The following WDR33 variants were observed in gnomAD, a reference collection of about 807,000 sequenced individuals.
WDR33 encodes WD repeat domain 33.
Under a neutral mutation model 164.9 loss-of-function variants are expected in WDR33, and 47 were observed. The observed-to-expected ratio is 0.29, with a 90% CI of 0.23 to 0.36. The LOEUF (loss-of-function observed/expected upper bound fraction) is 0.36. WDR33 is among the 10% of genes least tolerant of loss of function. WDR33 has a pLI of 1.00. For synonymous variants in WDR33, 505 were observed against 589.0 expected, an observed-to-expected ratio of 0.86 and a Z score of 2.06; for missense variants, 1,137 against 1,754.1, an observed-to-expected ratio of 0.65 and a Z score of 6.28.
chr2:127,775,394 G>A (rs935428090), intron 1 of WDR33, among the ~76,000 whole-genome samples: 1 of 152,102 alleles, frequency 6.6e-6, no homozygotes, highest in African/African-American at 2.4e-5. Context: ...TTGCCATGTT[G>A]GTCAGGCTAG....
intron 8 of WDR33, among the ~76,000 whole-genome samples, chr2:127,725,796 CCACTG>C (rs1192428220): frequency 6.6e-6 from 1 of 151,068 alleles, no homozygotes; most frequent in Admixed American, 6.6e-5. Flanking sequence ...AGCAGAGCTT[CCACTG>C]AACAGTAAAA....
rs776337489 is a variant in WDR33 at position 127,765,201 on chromosome 2, G to C, written c.447C>G (p.Leu149=). Residue 149 remains leucine (L), a synonymous_variant, in exon 5 of 22, where the codon CTC becomes CTG. Coordinates refer to ENST00000322313, the MANE Select transcript of WDR33 (RefSeq NM_018383.5). The part of the protein sequence containing the change: ...SSGEFTLWNG[L]TFNFETILQA... ...GTAATATTGTTTCAAAATTGAAAGT[G>C]AGTCCATTCCACAGGGTAAACTCCC... 1.2e-6 allele frequency: 2 copies of C among 1,614,094 alleles called. No individual in the cohort carries two copies. The highest frequency in any genetic ancestry group is 8.5e-7 in the Non-Finnish European group (1 of 1,179,998).
Position 127,706,327 on chromosome 2 carries a change from C to A in WDR33, c.4007G>T (p.Arg1336Leu). 6.4e-7 allele frequency: 1 copy of A among 1,560,716 alleles called. No homozygotes were observed. Among genetic ancestry groups the A allele is most frequent in the Non-Finnish European group, 8.7e-7 (1 of 1,154,668 alleles). ...CAGGGTACTCAGTTCCAGCTTCTAC[C>A]GACCCCTTCCACCACCCCGTGAAGC... Reference protein sequence around the residue: ...RGASRGGGRGR With the variant: ...RGASRGGGRGL Residue 1336 changes from arginine to leucine, a missense_variant, in exon 22 of 22, where the codon CGG (arginine) becomes CTG (leucine). Physicochemically the swap from Arg to Leu is moderately radical, Grantham distance 102. This residue lies in a region of WDR33 where 867 missense variants were observed against 1,073.0 expected (regional missense o/e 0.81). Transcript: ENST00000322313. This position sits in a 1 kb window ranked among gnomAD's most constrained non-coding sequence, Gnocchi z 5.1.
At position 127,723,035 on chromosome 2, in the gene WDR33, T is replaced by C; in HGVS notation, c.1301A>G (p.Glu434Gly). ...TGGAATTACTGCCAGGCTATTAGGT[T>C]CGAGGTCATCTATAAATAGTAATAC... ...SEDGVEYDDL[E>G]PNSLAVIPGM... The change falls in exon 13 of 22, where the codon GAA (glutamate) becomes GGA (glycine). Residue 434 changes from glutamate to glycine, a missense_variant. Physicochemically the swap from Glu to Gly is moderately conservative, Grantham distance 98. Coordinates refer to ENST00000322313, the MANE Select transcript of WDR33 (RefSeq NM_018383.5). This position sits in a 1 kb window ranked among gnomAD's most constrained non-coding sequence, Gnocchi z 5.9. The C allele has an allele frequency of 6.2e-7, 1 of 1,609,774 alleles. No homozygotes were observed. The highest frequency in any genetic ancestry group is 8.5e-7 in the Non-Finnish European group (1 of 1,178,766).
intron 18 of WDR33, among the ~76,000 whole-genome samples, chr2:127,711,776 A>ATTTTTTTT (rs1284723078): frequency 1.3e-3 from 121 of 94,044 alleles, no homozygotes; most frequent in Non-Finnish European, 2.0e-3. Context: ...ATATATATAT[A>ATTTTTTTT]TATATTTTTT....
chr2:127,722,933 A>C lies in WDR33; in HGVS notation c.1378+25T>G, dbSNP rs1686476225. ...GTCAAGAAAAAATTTGTAAAAATTA[A>C]ATGTGTCTGTGTAACTTCTCTTACC... On this transcript the variant is annotated intron_variant, in intron 13 of 21. Transcript: ENST00000322313. This position sits in a 1 kb window ranked among gnomAD's most constrained non-coding sequence, Gnocchi z 5.1. 1.9e-6 allele frequency: 3 copies of C among 1,578,172 alleles called. No homozygotes were observed. The African/African-American group carries it at 4.1e-5, about 22-fold the overall frequency.
Position 127,764,534 on chromosome 2 carries a change from A to C in WDR33, c.626+294T>G, listed in dbSNP as rs1573929041. Reference sequence around the variant, plus strand: ...TTGTCTTACACAGTAGATAATAAAAAGGAATAACGTATACACATTATTAAT... The same window carrying C: ...TTGTCTTACACAGTAGATAATAAAACGGAATAACGTATACACATTATTAAT... On this transcript the variant is annotated intron_variant, in intron 6 of 21. Transcript: ENST00000322313. This position sits in a 1 kb window ranked among gnomAD's most constrained non-coding sequence, Gnocchi z 6.2. 3.9e-6 allele frequency: 6 copies of C among 1,526,476 alleles called. No individual in the cohort carries two copies. The East Asian group carries it at 1.2e-4, about 31-fold the overall frequency. The allele number at this position is 1,526,476 out of a possible 1,614,324, so 94.6% of individuals were successfully genotyped here.
chr2:127,775,829 T>C (rs1558949865), intron 1 of WDR33, among the ~76,000 whole-genome samples: 1 of 151,918 alleles, frequency 6.6e-6, no homozygotes, highest in Non-Finnish European at 1.5e-5. Context: ...CAAGTACCAA[T>C]GGTGTTTCAG....
In WDR33 at chr2:127,721,703, T is replaced by C. The variant is rs1686442140; in HGVS notation, c.1671+133A>G. 1.1e-6 allele frequency: 1 copy of C among 926,740 alleles called. No homozygotes were observed. Among genetic ancestry groups the C allele is most frequent in the Non-Finnish European group, 1.6e-6 (1 of 640,994 alleles). The allele number at this position is 926,740 out of a possible 1,614,324, so 57.4% of individuals were successfully genotyped here. On this transcript the variant is annotated intron_variant, in intron 15 of 21. Transcript: ENST00000322313. The surrounding 1 kb of genome is among the most constrained non-coding windows in gnomAD (Gnocchi z 4.9). ...TCTTTTGGAAACTAGTCTTCTAGCATAGCAACAGGAAATGGCGGTGTTTGT... is the reference window on the plus strand; with the variant it reads ...TCTTTTGGAAACTAGTCTTCTAGCACAGCAACAGGAAATGGCGGTGTTTGT...
chr2:127,795,691 GGT>G (rs934942673), intron 1 of WDR33, among the ~76,000 whole-genome samples: 10 of 151,346 alleles, frequency 6.6e-5, no homozygotes, highest in Admixed American at 2.0e-4. Context: ...AAGTTAGCCA[GGT>G]GTGGTGGCAT....
At chr2:127,767,854 T>C (rs1331302517) in intron 4 of WDR33, among the ~76,000 whole-genome samples, 1 of 152,244 alleles carries the variant, frequency 6.6e-6, no homozygotes, top group Non-Finnish European at 1.5e-5. Flanking sequence ...CCTAAGTATT[T>C]TTCATTTACC....
At chr2:127,740,031 TTA>T (rs1573903706) in intron 7 of WDR33, among the ~76,000 whole-genome samples, 1 of 152,158 alleles carries the variant, frequency 6.6e-6, no homozygotes, top group Non-Finnish European at 1.5e-5. Context: ...ACTATGTTGA[TTA>T]TGTTTTTTTT....
chr2:127,794,291 G>A (rs962354797), intron 1 of WDR33, among the ~76,000 whole-genome samples: 1 of 151,138 alleles, frequency 6.6e-6, no homozygotes, highest in Non-Finnish European at 1.5e-5. Context: ...CCTGAGGTCA[G>A]GAGTTCTAGA....
In WDR33 at chr2:127,713,037, G is replaced by A. The variant is rs1410499724; in HGVS notation, c.3308+546C>T. Among the ~76,000 whole-genome samples the A allele has an allele frequency of 3.9e-5, 6 of 152,208 alleles. No individual in the cohort carries two copies. Among genetic ancestry groups the A allele is most frequent in the East Asian group, 1.9e-4 (1 of 5,200 alleles). On this transcript the variant is annotated intron_variant, in intron 18 of 21. Coordinates refer to ENST00000322313, the MANE Select transcript of WDR33 (RefSeq NM_018383.5). The surrounding 1 kb of genome is among the most constrained non-coding windows in gnomAD (Gnocchi z 6.2). The stretch of plus-strand genomic sequence containing the variant: ...CACCCAAAGTGCTGGGATTACAGGC[G>A]TGAGCCACTGGTCCTGGGCTAATTC...
chr2:127,719,510 G>T lies in WDR33; in HGVS notation c.2515C>A (p.Pro839Thr), dbSNP rs61730415. 1 of 1,612,618 alleles carries T rather than the reference G, an allele frequency of 6.2e-7. No homozygotes were observed. The highest frequency in any genetic ancestry group is 2.2e-5 in the East Asian group (1 of 44,856). ...CCCAGCATTGATCCTTGGGGTGGAG[G>T]CCCCTGCATGCCTCGGATCTCCTGA... Reference protein sequence around the residue: ...GPQEIRGMQGPPPQGSMLGPP... With the variant: ...GPQEIRGMQGTPPQGSMLGPP... Residue 839 changes from proline (P) to threonine (T), a missense_variant, in exon 16 of 22, where the codon CCT (proline) becomes ACT (threonine). Coordinates refer to ENST00000322313, the MANE Select transcript of WDR33 (RefSeq NM_018383.5). The surrounding 1 kb of genome is among the most constrained non-coding windows in gnomAD (Gnocchi z 6.5).
chr2:127,711,780 A>ATTTT lies in WDR33; in HGVS notation c.3308+1799_3308+1802dup, dbSNP rs1158780905. Among the ~76,000 whole-genome samples the ATTTT allele has an allele frequency of 2.5e-4, 22 of 88,298 alleles. 1 individual carries two copies. Among genetic ancestry groups the ATTTT allele is most frequent in the East Asian group, 5.7e-4 (2 of 3,502 alleles). 57.9% of individuals were successfully genotyped at this position (88,298 alleles called of 152,430 possible). The stretch of plus-strand genomic sequence containing the variant: ...TATATATATATATATATATATATAT[A>ATTTT]TTTTTTTTTTGAGACAGAGTCTCGC... On this transcript the variant is annotated intron_variant, in intron 18 of 21. Coordinates refer to ENST00000322313, the MANE Select transcript of WDR33 (RefSeq NM_018383.5).
Position 127,719,269 on chromosome 2 carries a change from T to C in WDR33, c.2756A>G (p.Asn919Ser). The C allele has an allele frequency of 2.8e-6, 4 of 1,429,666 alleles. No individual in the cohort carries two copies. The highest frequency in any genetic ancestry group is 1.8e-5 in the South Asian group (1 of 56,184). The allele number at this position is 1,429,666 out of a possible 1,614,324, so 88.6% of individuals were successfully genotyped here. ...LLGDGPRAPF[N>S]QEGQSTGPPP... ...TGAGTTGGAAATGAATAATACCTGGTTGAAGGGGGCCCGGGGCCCATCACC... is the reference window on the plus strand; with the variant it reads ...TGAGTTGGAAATGAATAATACCTGGCTGAAGGGGGCCCGGGGCCCATCACC... The change falls in exon 16 of 22, where the codon AAC becomes AGC. Residue 919 changes from asparagine to serine, a missense_variant. Physicochemically the swap from Asn to Ser is conservative, Grantham distance 46 (BLOSUM62 1). Transcript: ENST00000322313. The surrounding 1 kb of genome is among the most constrained non-coding windows in gnomAD (Gnocchi z 6.5).
intron 1 of WDR33, among the ~76,000 whole-genome samples, chr2:127,784,459 C>G (rs565257147): frequency 5.3e-5 from 8 of 152,216 alleles, no homozygotes; most frequent in African/African-American, 1.9e-4. Flanking sequence ...ATCACGGCAC[C>G]CTGCAGCTTG....
intron 1 of WDR33, among the ~76,000 whole-genome samples, chr2:127,798,367 CAAAAAAAAAA>C (rs61568967): frequency 5.2e-4 from 10 of 19,292 alleles, no homozygotes; most frequent in African/African-American, 1.4e-3. Flanking sequence ...GACACCGTCG[CAAAAAAAAAA>C]AAAAAAAAAA....
Sources: allele counts gnomAD v4.1 joint callset (sites outside exome capture counted in the v4.1 genomes callset), GRCh38; gene constraint gnomAD v4.1.1; regional missense constraint gnomAD v4.1.1; non-coding constraint Gnocchi (gnomAD v3.1); transcripts MANE v1.5; gene names NCBI Gene and HGNC (gene_info 2026-07-23, HGNC 2026-07-21).